Variants in SP140 observed in about 807,000 individuals in gnomAD.
SP140 encodes nuclear body protein SP140.
SP140 carries 81 observed loss-of-function variants against 125.0 expected under a neutral mutation model. The observed-to-expected ratio is 0.65, with a 90% confidence interval of 0.54 to 0.78. The LOEUF is 0.78. Ranked by LOEUF, SP140 falls within the 30% of genes least tolerant of loss-of-function variation. The pLI is 0.00. For missense variants in SP140, 858 were observed against 1,037.0 expected, an observed-to-expected ratio of 0.83 and a Z score of 2.37; for synonymous variants, 312 against 354.0, an observed-to-expected ratio of 0.88 and a Z score of 1.33.
chr2:230,220,705 A>G (rs1051198062), intron 3 of SP140, among the ~76,000 whole-genome samples: 4 of 152,116 alleles, frequency 2.6e-5, no homozygotes, highest in African/African-American at 9.7e-5. Context: ...GGGGCCTATG[A>G]AAAATCCTAA....
intron 12 of SP140, among the ~76,000 whole-genome samples, chr2:230,266,544 A>G (rs1469017830): frequency 6.6e-6 from 1 of 152,230 alleles, no homozygotes; most frequent in East Asian, 1.9e-4. Context: ...TCCTGCCAGC[A>G]GAAGTGTGGG....
At chr2:230,263,706 CTG>C (rs763513950) in intron 12 of SP140, among the ~76,000 whole-genome samples, 4 of 152,156 alleles carry the variant, frequency 2.6e-5, no homozygotes, top group Non-Finnish European at 5.9e-5. Flanking sequence ...CTGAAAAAGA[CTG>C]TATCTTTCCT....
chr2:230,302,834 T>C (rs530969397), intron 22 of SP140, among the ~76,000 whole-genome samples: 5 of 152,210 alleles, frequency 3.3e-5, no homozygotes, highest in African/African-American at 9.6e-5. Flanking sequence ...GAAATCAAGA[T>C]GGAAATGAAA....
chr2:230,196,315 A>G, the SP140 span, among the ~76,000 whole-genome samples: 2 of 152,144 alleles, frequency 1.3e-5, no homozygotes, highest in East Asian at 1.9e-4. Context: ...CTAGTAGGTG[A>G]TTATTTAAAC....
chr2:230,226,448 C>G (rs1175632524), intron 1 of SP140, among the ~76,000 whole-genome samples: 1 of 152,096 alleles, frequency 6.6e-6, no homozygotes, highest in African/African-American at 2.4e-5. Context: ...ACAAAAAAGG[C>G]AAGCAGGTAG....
At chr2:230,190,937 C>T in the SP140 span, among the ~76,000 whole-genome samples, 6 of 152,110 alleles carry the variant, frequency 3.9e-5, no homozygotes, top group Non-Finnish European at 8.8e-5. Context: ...GTACCAGTAC[C>T]GTGCTGTTTT....
chr2:230,201,576 A>G (rs540358688), upstream of SP140, among the ~76,000 whole-genome samples: 5 of 152,358 alleles, frequency 3.3e-5, no homozygotes, highest in Non-Finnish European at 5.9e-5. Flanking sequence ...CCTTGAGTAC[A>G]TATCTGACAT....
At chr2:230,300,122 A>G (rs1021792077) in intron 22 of SP140, among the ~76,000 whole-genome samples, 1 of 152,178 alleles carries the variant, frequency 6.6e-6, no homozygotes, top group African/African-American at 2.4e-5. Flanking sequence ...ACTTAGGTCA[A>G]GCTTGTATCC....
intron 7 of SP140, among the ~76,000 whole-genome samples, chr2:230,247,638 A>C (rs2049665713): frequency 6.6e-6 from 1 of 152,166 alleles, no homozygotes; most frequent in Non-Finnish European, 1.5e-5. Flanking sequence ...TCTACTTTAA[A>C]TCAATAACTA....
At position 230,220,564 on chromosome 2, in the gene SP140, G is replaced by A. The variant is rs114060006; in HGVS notation, c.-90-5191G>A. On this transcript the variant is annotated intron_variant, in intron 3 of 4. Coordinates refer to the SP140 transcript ENST00000456542. Reference sequence around the variant, plus strand: ...AGGCAGAAAAATGGCTGAGAGCTGGGCAGGTAGTTGGGAGCCAGGAGTCTG... The same window carrying A: ...AGGCAGAAAAATGGCTGAGAGCTGGACAGGTAGTTGGGAGCCAGGAGTCTG... Among the ~76,000 whole-genome samples, 401 of 152,320 alleles carry A rather than the reference G, an allele frequency of 2.6e-3. 3 individuals carry two copies. Among genetic ancestry groups the A allele is most frequent in the African/African-American group, 9.4e-3 (391 of 41,580 alleles).
intron 6 of SP140, among the ~76,000 whole-genome samples, 163 bp from the exon 7 acceptor site, chr2:230,245,700 G>A (rs751681750): frequency 6.6e-6 from 1 of 152,074 alleles, no homozygotes; most frequent in Non-Finnish European, 1.5e-5. Flanking sequence ...GGGGAAAGGG[G>A]CCTGACAAGG....
upstream of SP140, among the ~76,000 whole-genome samples, chr2:230,198,557 G>A (rs1338925150): frequency 6.6e-6 from 1 of 152,074 alleles, no homozygotes; most frequent in Non-Finnish European, 1.5e-5. Context: ...TTGAAGTCAG[G>A]TGTGGCCGTG....
At chr2:230,308,005 A>C (rs2058972871) in intron 22 of SP140, among the ~76,000 whole-genome samples, 3 of 143,314 alleles carry the variant, frequency 2.1e-5, no homozygotes, top group African/African-American at 7.7e-5. Flanking sequence ...ACACACACAC[A>C]CACACACACA....
At chr2:230,253,225 A>G in intron 10 of SP140, 91 bp from the exon 11 acceptor site, 3 of 885,138 alleles carry the variant, frequency 3.4e-6, no homozygotes, top group Non-Finnish European at 5.6e-6. Context: ...AAAAGGCGGA[A>G]CAAGACAGGG....
chr2:230,209,048 C>T (rs938946879), intron 1 of SP140, among the ~76,000 whole-genome samples: 7 of 152,128 alleles, frequency 4.6e-5, no homozygotes, highest in African/African-American at 1.7e-4. Context: ...TAAATAAGCA[C>T]AGAAAAATAT....
At chr2:230,253,475 G>A in intron 11 of SP140, 58 bp downstream of exon 11, 2 of 1,316,644 alleles carry the variant, frequency 1.5e-6, no homozygotes, top group Non-Finnish European at 2.2e-6. Context: ...CAGTTGGCAT[G>A]GGAAAAAAGC....
chr2:230,220,107 G>T (rs2045676281), intron 3 of SP140: 1 of 984,458 alleles, frequency 1.0e-6, no homozygotes, highest in Non-Finnish European at 1.2e-6. Context: ...CTCCTCATGG[G>T]CACTTGTGAG....
chr2:230,190,832 G>GT, the SP140 span, among the ~76,000 whole-genome samples: 1 of 152,150 alleles, frequency 6.6e-6, no homozygotes, highest in Admixed American at 6.5e-5. Flanking sequence ...GCCATTGCTT[G>GT]TTTTTGTCAG....
At position 230,238,631 on chromosome 2, in the gene SP140, G is replaced by A. The variant is rs11894821; in HGVS notation, c.406+250G>A. The A allele has an allele frequency of 3.8e-3, 3,260 of 860,830 alleles. 81 individuals carry two copies. The African/African-American group carries it at 0.05, about 13-fold the overall frequency. The allele number at this position is 860,830 out of a possible 1,614,324, so 53.3% of individuals were successfully genotyped here. ...TCAGCCAGGACTTGATTTTGATGCT[G>A]TAAAACATAGGGTTGAAGTCTCTAT... is the stretch of plus-strand genomic sequence containing the variant. On this transcript the variant is annotated intron_variant, in intron 3 of 26. Coordinates refer to ENST00000392045, the MANE Select transcript of SP140 (RefSeq NM_007237.5).
Sources: gnomAD v4.1 joint callset for allele counts (sites outside exome capture counted in the v4.1 genomes callset) on GRCh38, gnomAD v4.1.1 for gene constraint, MANE v1.5 for transcripts, NCBI Gene and HGNC (gene_info 2026-07-23, HGNC 2026-07-21) for gene names.